The following KIF5C variants were observed in gnomAD, a reference collection of about 807,000 sequenced individuals.
The protein encoded by KIF5C is kinesin family member 5C.
A neutral mutation model predicts 125.2 loss-of-function variants in KIF5C; 18 were observed. That is an observed-to-expected ratio of 0.14 (90% confidence interval 0.10 to 0.21). The LOEUF is 0.21. KIF5C is among the 10% of genes least tolerant of loss of function. The pLI is 1.00. For synonymous variants in KIF5C, 405 were observed against 434.0 expected (o/e 0.93, Z 0.83); for missense variants, 780 against 1,183.8 (o/e 0.66, Z 5.01).
chr2:149,000,341 TG>T (rs1681812299), intron 19 of KIF5C, 81 bp from the exon 20 acceptor site: 1 of 1,503,958 alleles, frequency 6.6e-7, no homozygotes, highest in Non-Finnish European at 9.0e-7. Context: ...CTAATAGGGT[TG>T]GAACAGAACC....
Position 148,875,575 on chromosome 2 carries a change from G to GGGC in KIF5C, c.-43_-42insGGC. ...TCCTCCCTCGTCGTTCCCGGCCCCG[G>GGGC]CCCCCCACCCATCCCCGTGCCCCCT... On this transcript the variant is annotated 5_prime_UTR_variant, in exon 1 of 26. Transcript: ENST00000435030. 3.6e-5 allele frequency: 25 copies of GGGC among 699,570 alleles called. No homozygotes were observed. The highest frequency in any genetic ancestry group is 5.7e-5 in the Non-Finnish European group (22 of 389,212). The allele number at this position is 699,570 out of a possible 1,614,324, so 43.3% of individuals were successfully genotyped here.
chr2:148,899,163 C>T (rs968015845), intron 1 of KIF5C, among the ~76,000 whole-genome samples: 8 of 152,176 alleles, frequency 5.3e-5, no homozygotes, highest in Middle Eastern at 6.8e-3. Flanking sequence ...ATAGTTCTTT[C>T]GTCATCGAAC....
In KIF5C at chr2:148,950,580, G is replaced by A. The variant is rs187595777; in HGVS notation, c.968+118G>A. 1.3e-4 allele frequency: 180 copies of A among 1,362,746 alleles called. No individual in the cohort carries two copies. In the Admixed American group the frequency reaches 2.6e-3, roughly 20 times the overall value. 84.4% of individuals were successfully genotyped at this position (1,362,746 alleles called of 1,614,324 possible). ...TCCCAGCACTTTGGGAGGCCAAGGC[G>A]GGTGGATTGCCTGAGGTCAGGAGTT... On this transcript the variant is annotated intron_variant, in intron 10 of 25. Coordinates refer to ENST00000435030, the MANE Select transcript of KIF5C (RefSeq NM_004522.3).
intron 1 of KIF5C, among the ~76,000 whole-genome samples, chr2:148,921,034 AGAG>A (rs1681763880): frequency 6.6e-6 from 1 of 152,132 alleles, no homozygotes; most frequent in South Asian, 2.1e-4. Flanking sequence ...CGGTGGTGGT[AGAG>A]AAGAGGTGCC....
rs191727289 is a variant in KIF5C, at chr2:148,985,274, G to T, written c.1716+1508G>T. On this transcript the variant is annotated intron_variant, in intron 15 of 25. Coordinates refer to ENST00000435030, the MANE Select transcript of KIF5C (RefSeq NM_004522.3). ...GGCTATTGTTGTTATTAACCAAAAAGACAGGGTAGAGACATTTTTAAAACA... is the reference window on the plus strand; with the variant it reads ...GGCTATTGTTGTTATTAACCAAAAATACAGGGTAGAGACATTTTTAAAACA... Among the ~76,000 whole-genome samples, 5 of 152,294 alleles carry T rather than the reference G, an allele frequency of 3.3e-5. No homozygotes were observed. In the East Asian group the frequency reaches 9.6e-4, roughly 29 times the overall value.
intron 5 of KIF5C, 70 bp from the exon 6 acceptor site, chr2:148,941,865 A>AT: frequency 6.4e-7 from 1 of 1,561,988 alleles, no homozygotes; most frequent in South Asian, 1.2e-5. Context: ...ACAAACTTCC[A>AT]TTTTTCCTCC....
intron 22 of KIF5C, among the ~76,000 whole-genome samples, chr2:149,007,671 T>A (rs1682048102): frequency 6.6e-6 from 1 of 152,194 alleles, no homozygotes; most frequent in African/African-American, 2.4e-5. Context: ...ATTTACTACA[T>A]GAAAGGCAGA....
chr2:149,022,881 G>A (rs934092472), intron 25 of KIF5C, among the ~76,000 whole-genome samples, 197 bp from the exon 26 acceptor site: 6 of 152,206 alleles, frequency 3.9e-5, no homozygotes, highest in Non-Finnish European at 5.9e-5. Context: ...TCGATATCGC[G>A]CCACTGCACC....
chr2:148,893,892 C>T (rs1032064489), intron 1 of KIF5C, among the ~76,000 whole-genome samples: 7 of 152,202 alleles, frequency 4.6e-5, no homozygotes, highest in Non-Finnish European at 7.3e-5. Context: ...TGCAATTCAC[C>T]GTCTTTGGAC....
intron 4 of KIF5C, among the ~76,000 whole-genome samples, 180 bp from the exon 5 acceptor site, chr2:148,941,430 T>C (rs185991255): frequency 5.9e-5 from 9 of 152,264 alleles, no homozygotes; most frequent in Admixed American, 5.9e-4. Context: ...TAGGGAAGCG[T>C]AGAGCAAGCG....
At chr2:148,945,229 T>C (rs1456222005) in intron 7 of KIF5C, among the ~76,000 whole-genome samples, 1 of 152,204 alleles carries the variant, frequency 6.6e-6, no homozygotes, top group East Asian at 1.9e-4. Flanking sequence ...ATGAAGCTTT[T>C]CTCCTGTGTT....
intron 1 of KIF5C, among the ~76,000 whole-genome samples, chr2:148,891,254 T>C (rs1681700899): frequency 6.6e-6 from 1 of 152,208 alleles, no homozygotes; most frequent in Non-Finnish European, 1.5e-5. Context: ...TAAATTTCCT[T>C]CCAGAAGATG....
rs542106054 is a variant in KIF5C at position 149,000,461 on chromosome 2, G to C, written c.2249G>C (p.Ser750Thr). The C allele has an allele frequency of 9.5e-6, 15 of 1,586,636 alleles. No individual in the cohort carries two copies. In the Admixed American group the frequency reaches 2.2e-4, roughly 24 times the overall value. Residue 750 changes from serine (S) to threonine (T), a missense_variant, in exon 20 of 26, where the codon AGT becomes ACT. Physicochemically the swap from Ser to Thr is moderately conservative, Grantham distance 58. Coordinates refer to ENST00000435030, the MANE Select transcript of KIF5C (RefSeq NM_004522.3). ...CTGCAACTGGAACAGGAGAAGCTTA[G>C]TTCTGATTATAACAAGCTGAAAATA... ...QKLQLEQEKLSSDYNKLKIED... is the reference protein window; with the variant it reads ...QKLQLEQEKLTSDYNKLKIED...
intron 10 of KIF5C, among the ~76,000 whole-genome samples, chr2:148,953,239 A>G (rs1434489369): frequency 6.6e-6 from 1 of 152,228 alleles, no homozygotes; most frequent in Non-Finnish European, 1.5e-5. Flanking sequence ...GAATGAACAG[A>G]TGAATCTAAA....
At chr2:148,995,323 C>G (rs1376534904) in intron 17 of KIF5C, among the ~76,000 whole-genome samples, 4 of 152,216 alleles carry the variant, frequency 2.6e-5, no homozygotes, top group Non-Finnish European at 4.4e-5. Context: ...CATCCTGTTG[C>G]TCTTAATATA....
intron 1 of KIF5C, among the ~76,000 whole-genome samples, chr2:148,914,284 T>C (rs932813751): frequency 3.3e-5 from 5 of 152,354 alleles, no homozygotes; most frequent in South Asian, 4.1e-4. Context: ...GAGTTCACTG[T>C]ATTTTGATCT....
intron 2 of KIF5C, among the ~76,000 whole-genome samples, chr2:148,927,516 G>A (rs1682050867): frequency 1.3e-5 from 2 of 150,910 alleles, no homozygotes; most frequent in South Asian, 2.1e-4. Flanking sequence ...GTGTGTATAG[G>A]GGGGATGGTT....
rs752163955 is a variant in KIF5C at position 148,946,978 on chromosome 2, A to C, written c.669A>C (p.Lys223Asn). The C allele has an allele frequency of 6.2e-7, 1 of 1,613,308 alleles. No homozygotes were observed. Among genetic ancestry groups the C allele is most frequent in the Non-Finnish European group, 8.5e-7 (1 of 1,179,734 alleles). The change falls in exon 8 of 26, where the codon AAA becomes AAC. Residue 223 changes from lysine (K) to asparagine (N), a missense_variant. Coordinates refer to ENST00000435030, the MANE Select transcript of KIF5C (RefSeq NM_004522.3). ...AAGAGAATGTAGAGACTGAAAAAAA[A>C]CTCAGTGGGAAACTTTATTTGGTTG... is the stretch of plus-strand genomic sequence containing the variant. ...IKQENVETEK[K>N]LSGKLYLVDL...
At position 148,906,942 on chromosome 2, in the gene KIF5C, CCTAGCTA is replaced by C. The variant is rs200290569; in HGVS notation, c.127-15192_127-15186del. Among the ~76,000 whole-genome samples, 5 of 152,016 alleles carry C rather than the reference CCTAGCTA, an allele frequency of 3.3e-5. No individual in the cohort carries two copies. In the East Asian group the frequency reaches 5.8e-4, roughly 18 times the overall value. On this transcript the variant is annotated intron_variant, in intron 1 of 25. Coordinates refer to ENST00000435030, the MANE Select transcript of KIF5C (RefSeq NM_004522.3). ...GGTGTGGTGGCATGTGTTTTGTAGT[CCTAGCTA>C]CTCAGGATGCTGAGGTGGAAGGATC...
Sources: gnomAD v4.1 joint callset for allele counts (sites outside exome capture counted in the v4.1 genomes callset) on GRCh38, gnomAD v4.1.1 for gene constraint, MANE v1.5 for transcripts, NCBI Gene and HGNC (gene_info 2026-07-23, HGNC 2026-07-21) for gene names.